Variants in DYM observed in about 807,000 individuals in gnomAD.
DYM encodes the protein dymeclin.
In DYM, 78 loss-of-function variants were observed where a neutral mutation model predicts 93.1. That is an observed-to-expected ratio of 0.84 (90% confidence interval 0.70 to 1.01). DYM has a LOEUF of 1.01. Ranked by LOEUF, DYM falls within the 50% of genes least tolerant of loss-of-function variation. The pLI is 0.00. For missense variants in DYM, 789 were observed against 845.0 expected, an observed-to-expected ratio of 0.93 and a Z score of 0.82; for synonymous variants, 321 against 319.7, an observed-to-expected ratio of 1.00 and a Z score of -0.04.
rs1229505481 is a variant in DYM at position 49,147,332 on chromosome 18, C to T, written c.1728+16353G>A. Among the ~76,000 whole-genome samples, 72 of 151,324 alleles carry T rather than the reference C, an allele frequency of 4.8e-4. 1 individual carries two copies. The highest frequency in any genetic ancestry group is 9.0e-4 in the Non-Finnish European group (61 of 67,544). On this transcript the variant is annotated intron_variant, in intron 15 of 17. Coordinates refer to ENST00000675505, the MANE Select transcript of DYM (RefSeq NM_001353214.3). ...CACCAAAAGCAATGGCAACAAAAGC[C>T]AAAATTGACAAATGGGATGTAATTA... is the stretch of plus-strand genomic sequence containing the variant.
intron 15 of DYM, among the ~76,000 whole-genome samples, chr18:49,162,303 A>C (rs2087250748): frequency 6.6e-6 from 1 of 152,168 alleles, no homozygotes; most frequent in Non-Finnish European, 1.5e-5. Flanking sequence ...GAATTTATAC[A>C]GTTATGGAGG....
At chr18:49,414,727 ACT>A (rs1164814012) in intron 2 of DYM, among the ~76,000 whole-genome samples, 1 of 151,722 alleles carries the variant, frequency 6.6e-6, no homozygotes, top group East Asian at 1.9e-4. Context: ...TTTCCCAGAG[ACT>A]CTCTGGCTAA....
intron 6 of DYM, 97 bp from the exon 7 acceptor site, chr18:49,333,950 A>T: frequency 7.6e-7 from 1 of 1,321,392 alleles, no homozygotes; most frequent in South Asian, 1.3e-5. Flanking sequence ...AAATCTAAAT[A>T]TTCAGTATTT....
intron 1 of DYM, among the ~76,000 whole-genome samples, chr18:49,452,155 G>A (rs1286934530): frequency 1.3e-5 from 2 of 152,176 alleles, no homozygotes; most frequent in South Asian, 2.1e-4. Context: ...TCCAGAGTTT[G>A]TTCCTTCTGA....
At chr18:49,158,751 C>G (rs975247367) in intron 15 of DYM, among the ~76,000 whole-genome samples, 13 of 151,936 alleles carry the variant, frequency 8.6e-5, no homozygotes, top group African/African-American at 2.7e-4. Flanking sequence ...TTACCAGAGG[C>G]TGCGAAGGGT....
In DYM at chr18:49,286,892, G is replaced by T. The variant is rs1404533046; in HGVS notation, c.764-276C>A. Among the ~76,000 whole-genome samples, 3 of 152,160 alleles carry T rather than the reference G, an allele frequency of 2.0e-5. No individual in the cohort carries two copies. The East Asian group carries it at 5.8e-4, about 29-fold the overall frequency. ...TGAATGAAATTTAGTAGAAAAATTT[G>T]CTAAAAAAAATTAATGCAAGCCGGG... On this transcript the variant is annotated intron_variant, in intron 8 of 17. Coordinates refer to ENST00000675505, the MANE Select transcript of DYM (RefSeq NM_001353214.3).
At chr18:49,142,750 A>G (rs960088972) in intron 15 of DYM, among the ~76,000 whole-genome samples, 3 of 152,210 alleles carry the variant, frequency 2.0e-5, no homozygotes, top group Non-Finnish European at 4.4e-5. Context: ...TTACCAAAGA[A>G]TAGGTTAACC....
intron 17 of DYM, among the ~76,000 whole-genome samples, chr18:49,072,553 A>C (rs916557827): frequency 6.6e-6 from 1 of 152,252 alleles, no homozygotes; most frequent in African/African-American, 2.4e-5. Flanking sequence ...AAAATAGAGT[A>C]AATGCTTTTC....
intron 14 of DYM, among the ~76,000 whole-genome samples, chr18:49,201,947 C>T (rs2092022015): frequency 6.6e-6 from 1 of 152,186 alleles, no homozygotes; most frequent in Non-Finnish European, 1.5e-5. Context: ...CAGGACTAAT[C>T]ACACGGTAAT....
At chr18:49,106,818 T>C (rs2080865209) in intron 16 of DYM, among the ~76,000 whole-genome samples, 1 of 152,258 alleles carries the variant, frequency 6.6e-6, no homozygotes, top group Non-Finnish European at 1.5e-5. Context: ...ACCCGACCTT[T>C]GTCTCTGGCT....
chr18:49,299,897 G>T (rs1262531753), intron 8 of DYM, among the ~76,000 whole-genome samples: 1 of 151,336 alleles, frequency 6.6e-6, no homozygotes, highest in Non-Finnish European at 1.5e-5. Flanking sequence ...CAAAAAATTA[G>T]CTGGGCGTGG....
chr18:49,214,950 T>C (rs2146221818), intron 13 of DYM, among the ~76,000 whole-genome samples: 1 of 152,274 alleles, frequency 6.6e-6, no homozygotes. Flanking sequence ...ATGTGCAAGA[T>C]CTATCCACAG....
intron 13 of DYM, among the ~76,000 whole-genome samples, chr18:49,231,530 T>G (rs985496925): frequency 6.6e-6 from 1 of 152,200 alleles, no homozygotes; most frequent in African/African-American, 2.4e-5. Flanking sequence ...ACAGCTTAAG[T>G]TCTCTTAGGT....
At chr18:49,222,897 G>T (rs191904065) in intron 13 of DYM, among the ~76,000 whole-genome samples, 7 of 152,192 alleles carry the variant, frequency 4.6e-5, no homozygotes, top group African/African-American at 1.7e-4. Context: ...TCAAATGAAA[G>T]TCACATGAAA....
At chr18:49,307,436 T>C (rs1158211208) in intron 8 of DYM, among the ~76,000 whole-genome samples, 2 of 152,158 alleles carry the variant, frequency 1.3e-5, no homozygotes, top group Admixed American at 6.6e-5. Context: ...TTAAGAATTC[T>C]ACCTGCAAAT....
chr18:49,199,337 C>T (rs559738322), intron 14 of DYM, among the ~76,000 whole-genome samples: 53 of 152,314 alleles, frequency 3.5e-4, no homozygotes, highest in African/African-American at 1.2e-3. Context: ...TGTAACAAAC[C>T]TGCACGTTGT....
chr18:49,121,520 G>GA (rs1024142078), intron 15 of DYM, among the ~76,000 whole-genome samples: 33 of 151,646 alleles, frequency 2.2e-4, no homozygotes, highest in Admixed American at 1.2e-3. Flanking sequence ...TATAAATAAT[G>GA]AAAAAAAATC....
chr18:49,421,014 A>C (rs2073632698), intron 2 of DYM, among the ~76,000 whole-genome samples: 1 of 152,030 alleles, frequency 6.6e-6, no homozygotes, highest in South Asian at 2.1e-4. Flanking sequence ...AGCAGCCGGG[A>C]AGCCCAAACC....
intron 15 of DYM, among the ~76,000 whole-genome samples, chr18:49,130,532 T>G (rs1476425645): frequency 6.9e-6 from 1 of 144,278 alleles, no homozygotes; most frequent in Non-Finnish European, 1.5e-5. Flanking sequence ...TTCTTTTGAG[T>G]TGTTTGTCAG....
Sources: allele counts gnomAD v4.1 joint callset (sites outside exome capture counted in the v4.1 genomes callset), GRCh38; gene constraint gnomAD v4.1.1; transcripts MANE v1.5; gene names NCBI Gene and HGNC (gene_info 2026-07-23, HGNC 2026-07-21).